The following IRGM variants were observed in gnomAD, a reference collection of about 807,000 sequenced individuals.
The protein encoded by IRGM is immunity related GTPase M.
For missense variants in IRGM, 288 were observed against 219.9 expected, an observed-to-expected ratio of 1.31 and a Z score of -1.96; for synonymous variants, 98 against 80.6, an observed-to-expected ratio of 1.22 and a Z score of -1.16.
chr5:150,888,512 C>T (rs1194494181), intron 3 of IRGM, among the ~76,000 whole-genome samples: 2 of 152,040 alleles, frequency 1.3e-5, no homozygotes, highest in Non-Finnish European at 2.9e-5. Context: ...ATACATTCTT[C>T]TCATTGCCAC....
rs10065172 is a variant in IRGM, at chr5:150,848,436, C to T, written c.313C>T (p.Leu105=). 0.12 allele frequency: 184,690 copies of T among 1,551,610 alleles called. 18,592 individuals carry two copies. The highest frequency in any genetic ancestry group is 0.45 in the African/African-American group (32,704 of 73,058). ...TGCCACCACAACCCTGGAGAACTAC[C>T]TGATGGAAATGCAGTTCAACCGGTA... ...GSATTTLENY[L]MEMQFNRYDF... Residue 105 remains leucine (L), a synonymous_variant, in exon 2 of 2, where the codon CTG becomes TTG. Transcript: ENST00000522154.
rs539484610 is a variant in IRGM at position 150,884,510 on chromosome 5, T to C, written c.*140+4864T>C. ...AGAATCACCATACTGCTTTCCACAA[T>C]AGTTGAACTAATTTACACTTTCACC... On this transcript the variant is annotated intron_variant and NMD_transcript_variant, in intron 3 of 3. Coordinates refer to the IRGM transcript ENST00000520549. Among the ~76,000 whole-genome samples, 5 of 152,298 alleles carry C rather than the reference T, an allele frequency of 3.3e-5. 1 individual carries two copies. In the South Asian group the frequency reaches 1.0e-3, roughly 32 times the overall value.
chr5:150,850,117 G>C (rs1753952902), downstream of IRGM, among the ~76,000 whole-genome samples: 1 of 152,116 alleles, frequency 6.6e-6, no homozygotes, highest in Non-Finnish European at 1.5e-5. Context: ...CTAGCTTTTG[G>C]AGGGGAACAA....
At chr5:150,858,583 G>A (rs1370541373) in intron 1 of IRGM, among the ~76,000 whole-genome samples, 2 of 152,112 alleles carry the variant, frequency 1.3e-5, no homozygotes, top group East Asian at 1.9e-4. Flanking sequence ...CCATTTGTTT[G>A]TATCCTCTTT....
intron 3 of IRGM, among the ~76,000 whole-genome samples, chr5:150,888,285 A>G (rs1046341502): frequency 1.3e-5 from 2 of 152,064 alleles, no homozygotes; most frequent in African/African-American, 4.8e-5. Context: ...CTAAATATAA[A>G]TGCAGCCAAC....
chr5:150,898,570 C>CCTGTTCAATCTGAA (rs1360182485), intron 3 of IRGM: 1 of 1,572,428 alleles, frequency 6.4e-7, no homozygotes, highest in Non-Finnish European at 8.6e-7. Context: ...ATAGTAAATT[C>CCTGTTCAATCTGAA]CTGTTCAATC....
chr5:150,862,968 C>T (rs538906212), intron 1 of IRGM, among the ~76,000 whole-genome samples: 1 of 152,214 alleles, frequency 6.6e-6, no homozygotes, highest in South Asian at 2.1e-4. Flanking sequence ...AAATGCTAAC[C>T]TTTCAGGGGC....
Position 150,877,427 on chromosome 5 carries a change from G to A in IRGM, c.159-553G>A, listed in dbSNP as rs543766506. ...CTCATGCTGAATGCTTCCTGCCATC[G>A]AATATCAGACTTCAAGTTCTTCAGC... On this transcript the variant is annotated intron_variant and NMD_transcript_variant, in intron 1 of 3. Transcript: ENST00000520549. Among the ~76,000 whole-genome samples, 12 of 152,194 alleles carry A rather than the reference G, an allele frequency of 7.9e-5. No individual in the cohort carries two copies. The South Asian group carries it at 2.1e-3, about 26-fold the overall frequency.
intron 1 of IRGM, among the ~76,000 whole-genome samples, chr5:150,862,521 T>A (rs1754150868): frequency 1.3e-5 from 2 of 152,186 alleles, no homozygotes; most frequent in Admixed American, 6.5e-5. Context: ...TTTCAGCCAA[T>A]GGATTGTGGG....
intron 1 of IRGM, among the ~76,000 whole-genome samples, chr5:150,873,763 G>C (rs1039009173): frequency 6.6e-6 from 1 of 152,190 alleles, no homozygotes; most frequent in African/African-American, 2.4e-5. Flanking sequence ...GACTGGTAGG[G>C]TGAGGGCTAT....
chr5:150,898,215 T>C, intron 3 of IRGM: 4 of 1,610,882 alleles, frequency 2.5e-6, no homozygotes, highest in Non-Finnish European at 3.4e-6. Flanking sequence ...AGAATTGAGA[T>C]TGACTGCACT....
At chr5:150,865,494 G>GA (rs575233173) in intron 1 of IRGM, among the ~76,000 whole-genome samples, 35 of 152,258 alleles carry the variant, frequency 2.3e-4, no homozygotes, top group African/African-American at 7.9e-4. Flanking sequence ...TTAGGTTACA[G>GA]AAATCTTGAA....
chr5:150,895,889 T>G (rs770167284), intron 3 of IRGM: 2 of 1,613,546 alleles, frequency 1.2e-6, no homozygotes, highest in East Asian at 4.5e-5. Context: ...TAATGAGTTC[T>G]GTCTTCCTGC....
At chr5:150,898,346 C>G in intron 3 of IRGM, 1 of 1,609,346 alleles carries the variant, frequency 6.2e-7, no homozygotes, top group Non-Finnish European at 8.5e-7. Context: ...TGACATATGT[C>G]AGGAACAATC....
chr5:150,892,206 GGA>G (rs1754620317), intron 3 of IRGM, among the ~76,000 whole-genome samples: 1 of 141,686 alleles, frequency 7.1e-6, no homozygotes, highest in African/African-American at 3.0e-5. Context: ...GTGTTTTTAT[GGA>G]GTTTTTTTTT....
At chr5:150,870,536 A>G (rs933694546) in intron 1 of IRGM, among the ~76,000 whole-genome samples, 1 of 103,248 alleles carries the variant, frequency 9.7e-6, no homozygotes, top group Non-Finnish European at 2.0e-5. Flanking sequence ...TTGGAGTTTT[A>G]CTTGCTTTCA....
At chr5:150,886,896 G>T (rs1245448688) in intron 3 of IRGM, among the ~76,000 whole-genome samples, 1 of 151,314 alleles carries the variant, frequency 6.6e-6, no homozygotes, top group African/African-American at 2.4e-5. Flanking sequence ...TTTGTGTCTT[G>T]ATTTCCTTCA....
downstream of IRGM, among the ~76,000 whole-genome samples, chr5:150,851,128 A>C (rs890141397): frequency 3.3e-5 from 5 of 152,176 alleles, no homozygotes; most frequent in Non-Finnish European, 7.3e-5. Context: ...TTGGGCAGGA[A>C]CAAAGAGATA....
intron 3 of IRGM, chr5:150,894,701 T>C (rs994300129): frequency 1.0e-4 from 16 of 152,410 alleles, no homozygotes; most frequent in African/African-American, 3.8e-4. Context: ...AATACTCAGC[T>C]AGGAGAAGTA....
Sources: gnomAD v4.1 joint callset for allele counts (sites outside exome capture counted in the v4.1 genomes callset) on GRCh38, gnomAD v4.1.1 for gene constraint, MANE v1.5 for transcripts, NCBI Gene and HGNC (gene_info 2026-07-23, HGNC 2026-07-21) for gene names.